The following SYTL3 variants were observed in gnomAD, a reference collection of about 807,000 sequenced individuals.
SYTL3 encodes synaptotagmin-like protein 3.
Under a neutral mutation model 82.1 loss-of-function variants are expected in SYTL3, and 88 were observed. That is an observed-to-expected ratio of 1.07 (90% CI 0.90 to 1.28). The LOEUF is 1.28. SYTL3 is among the 50% of genes most tolerant of loss of function. The pLI is 0.00. For missense variants in SYTL3, 831 were observed against 757.6 expected (o/e 1.10, Z -1.14); for synonymous variants, 311 against 289.4 (o/e 1.07, Z -0.76).
intron 6 of SYTL3, among the ~76,000 whole-genome samples, chr6:158,698,941 T>C (rs547514940): frequency 8.5e-5 from 13 of 152,274 alleles, no homozygotes; most frequent in Admixed American, 1.3e-4. Context: ...CACAGGATGT[T>C]ATTCCCACTC....
At chr6:158,716,172 C>T (rs933518980) in intron 9 of SYTL3, among the ~76,000 whole-genome samples, 14 of 152,170 alleles carry the variant, frequency 9.2e-5, no homozygotes, top group African/African-American at 3.4e-4. Flanking sequence ...CTGTAGTCCC[C>T]CTTAGAAAGG....
At chr6:158,681,276 A>G (rs1276319106) in intron 5 of SYTL3, among the ~76,000 whole-genome samples, 1 of 152,156 alleles carries the variant, frequency 6.6e-6, no homozygotes, top group African/African-American at 2.4e-5. Flanking sequence ...CAGAAAACCA[A>G]GAGGAAAACC....
upstream of SYTL3, among the ~76,000 whole-genome samples, chr6:158,646,835 T>G (rs1229075487): frequency 6.6e-6 from 1 of 152,226 alleles, no homozygotes; most frequent in African/African-American, 2.4e-5. Flanking sequence ...TTTGCCTGCC[T>G]GCCCTTCTCA....
At chr6:158,719,187 A>G (rs1345189606) in intron 10 of SYTL3, among the ~76,000 whole-genome samples, 2 of 152,236 alleles carry the variant, frequency 1.3e-5, no homozygotes, top group Admixed American at 1.3e-4. Context: ...AGCATTGACT[A>G]TGATGTGCTG....
At chr6:158,682,126 A>T (rs1156757075) in intron 5 of SYTL3, among the ~76,000 whole-genome samples, 2 of 151,694 alleles carry the variant, frequency 1.3e-5, no homozygotes, top group Non-Finnish European at 2.9e-5. Flanking sequence ...TTTAGTAGAG[A>T]CAGGGTTTTG....
intron 5 of SYTL3, among the ~76,000 whole-genome samples, chr6:158,674,170 TTCTC>T (rs1006260257): frequency 1.3e-5 from 2 of 151,974 alleles, no homozygotes; most frequent in African/African-American, 4.8e-5. Flanking sequence ...GTCTTTTTCT[TTCTC>T]TTTCACATTC....
At chr6:158,723,479 C>T (rs1784369535) in intron 10 of SYTL3, among the ~76,000 whole-genome samples, 1 of 152,164 alleles carries the variant, frequency 6.6e-6, no homozygotes, top group African/African-American at 2.4e-5. Context: ...ACGTGTTTTC[C>T]AGCACTCTTG....
intron 2 of SYTL3, among the ~76,000 whole-genome samples, chr6:158,653,752 C>T (rs1314526888): frequency 6.6e-6 from 1 of 152,176 alleles, no homozygotes; most frequent in Non-Finnish European, 1.5e-5. Context: ...TGTAGTCTTC[C>T]CTTGAAAGCG....
At chr6:158,715,281 G>C (rs552885730) in intron 9 of SYTL3, among the ~76,000 whole-genome samples, 2 of 152,198 alleles carry the variant, frequency 1.3e-5, no homozygotes, top group Admixed American at 1.3e-4. Flanking sequence ...TATAGAATCA[G>C]TGCCTTGGAG....
At chr6:158,705,464 GGAGGGA>G (rs1781949703) in intron 6 of SYTL3, among the ~76,000 whole-genome samples, 3 of 120,120 alleles carry the variant, frequency 2.5e-5, no homozygotes, top group Admixed American at 8.0e-5. Flanking sequence ...ACATAGGGCA[GGAGGGA>G]CCTGGGGACA....
intron 13 of SYTL3, among the ~76,000 whole-genome samples, chr6:158,754,449 G>A (rs7750671): frequency 0.011 from 1,711 of 152,312 alleles, 20 homozygotes; most frequent in African/African-American, 0.037. Flanking sequence ...GGCTGGGTGT[G>A]GTGGCTCACG....
chr6:158,722,780 T>TTG (rs1436182844), intron 10 of SYTL3, among the ~76,000 whole-genome samples: 7 of 144,610 alleles, frequency 4.8e-5, no homozygotes, highest in African/African-American at 1.8e-4. Context: ...TTTTTTTTTT[T>TTG]TTTTTTTTAA....
chr6:158,664,088 G>C (rs1328652080), intron 4 of SYTL3, among the ~76,000 whole-genome samples: 1 of 152,152 alleles, frequency 6.6e-6, no homozygotes, highest in Non-Finnish European at 1.5e-5. Context: ...AATGTCTATG[G>C]AGGAAGTGAG....
At chr6:158,668,523 C>T (rs1357649495) in intron 5 of SYTL3, among the ~76,000 whole-genome samples, 1 of 149,908 alleles carries the variant, frequency 6.7e-6, no homozygotes, top group Non-Finnish European at 1.5e-5. Flanking sequence ...GCCACTGCGC[C>T]CGGCCGGCAG....
chr6:158,725,228 G>A (rs1477705748), intron 10 of SYTL3, among the ~76,000 whole-genome samples: 1 of 152,042 alleles, frequency 6.6e-6, no homozygotes, highest in Non-Finnish European at 1.5e-5. Context: ...ACTAATCCAC[G>A]AGTAATCTAC....
intron 12 of SYTL3, among the ~76,000 whole-genome samples, chr6:158,749,407 A>AG (rs1788090858): frequency 7.3e-6 from 1 of 137,236 alleles, no homozygotes. Flanking sequence ...AAAAAAAAAA[A>AG]AAAGAAAGAA....
intron 4 of SYTL3, among the ~76,000 whole-genome samples, chr6:158,664,184 A>G (rs548854849): frequency 6.6e-6 from 1 of 152,322 alleles, no homozygotes; most frequent in East Asian, 1.9e-4. Context: ...TTTCTGGTAT[A>G]GTATTCTTCA....
In SYTL3 at chr6:158,650,822, G is replaced by A. The variant is rs552352371; in HGVS notation, c.-727+744G>A. ...AAAAATTAGCTGGGTGTGGTGGCAGGCACCTGTAATCCCAGCTGCCCAGGA... is the reference window on the plus strand; with the variant it reads ...AAAAATTAGCTGGGTGTGGTGGCAGACACCTGTAATCCCAGCTGCCCAGGA... On this transcript the variant is annotated intron_variant, in intron 1 of 17. Transcript: ENST00000611299. Among the ~76,000 whole-genome samples the A allele has an allele frequency of 1.2e-3, 188 of 151,930 alleles. 1 individual carries two copies. The highest frequency in any genetic ancestry group is 4.0e-3 in the African/African-American group (165 of 41,462).
At chr6:158,664,245 A>G (rs1487291434) in intron 4 of SYTL3, among the ~76,000 whole-genome samples, 1 of 152,194 alleles carries the variant, frequency 6.6e-6, no homozygotes, top group Non-Finnish European at 1.5e-5. Context: ...ACTTTCTTCC[A>G]TTAAAAACTA....
Sources: allele counts gnomAD v4.1 joint callset (sites outside exome capture counted in the v4.1 genomes callset), GRCh38; gene constraint gnomAD v4.1.1; transcripts MANE v1.5; gene names NCBI Gene and HGNC (gene_info 2026-07-23, HGNC 2026-07-21).